The following CDH20 variants were observed in gnomAD, a reference collection of about 807,000 sequenced individuals.
The protein encoded by CDH20 is cadherin-20.
Under a neutral mutation model 74.2 loss-of-function variants are expected in CDH20, and 29 were observed. The ratio of observed to expected loss-of-function variants is 0.39; its 90% CI spans 0.29 to 0.53. CDH20 has a LOEUF of 0.53. Ranked by LOEUF, CDH20 falls within the 20% of genes least tolerant of loss-of-function variation. CDH20 has a pLI of 0.69. For missense variants in CDH20, 988 were observed against 1,048.3 expected (o/e 0.94, Z 0.79); for synonymous variants, 469 against 405.4 (o/e 1.16, Z -1.88).
chr18:61,360,196 A>C (rs569593764), intron 1 of CDH20, among the ~76,000 whole-genome samples: 3 of 152,208 alleles, frequency 2.0e-5, no homozygotes, highest in Non-Finnish European at 2.9e-5. Context: ...CAAGCTCTTC[A>C]GACAATTTTG....
chr18:61,545,152 G>C lies in CDH20; in HGVS notation c.1648+8G>C. The C allele has an allele frequency of 6.4e-7, 1 of 1,564,378 alleles. No homozygotes were observed. The highest frequency in any genetic ancestry group is 8.8e-7 in the Non-Finnish European group (1 of 1,134,624). The stretch of plus-strand genomic sequence containing the variant: ...CCATAAGGGACAACCAAGGTAATCA[G>C]GTGGATGGTTGGCTATCTGTGCTTT... On this transcript the variant is annotated splice_region_variant and intron_variant, in intron 10 of 11. Coordinates refer to ENST00000262717, the MANE Select transcript of CDH20 (RefSeq NM_031891.4).
At chr18:61,491,034 T>A (rs1193525403) in intron 2 of CDH20, among the ~76,000 whole-genome samples, 1 of 152,128 alleles carries the variant, frequency 6.6e-6, no homozygotes, top group Admixed American at 6.5e-5. Context: ...GGAATTGGGA[T>A]TTGGAGGAAA....
At chr18:61,471,481 T>A (rs1229721002) in intron 1 of CDH20, among the ~76,000 whole-genome samples, 3 of 152,240 alleles carry the variant, frequency 2.0e-5, no homozygotes, top group Non-Finnish European at 4.4e-5. Context: ...TGTTATCAAT[T>A]GCTTCTCTTT....
At chr18:61,500,243 G>GT in intron 3 of CDH20, 140 bp from the exon 4 acceptor site, 1 of 720,428 alleles carries the variant, frequency 1.4e-6, no homozygotes, top group Non-Finnish European at 2.2e-6. Context: ...CAAGATAAGA[G>GT]TTATGGAAGC....
At chr18:61,466,484 C>T (rs1350000001) in intron 1 of CDH20, among the ~76,000 whole-genome samples, 1 of 152,136 alleles carries the variant, frequency 6.6e-6, no homozygotes, top group African/African-American at 2.4e-5. Flanking sequence ...ATGTCACCAC[C>T]ATTTCTTCAA....
intron 1 of CDH20, among the ~76,000 whole-genome samples, chr18:61,352,400 A>G (rs1217663735): frequency 1.3e-5 from 2 of 152,232 alleles, no homozygotes; most frequent in Admixed American, 6.5e-5. Context: ...ATATGCATCA[A>G]TGGAGCTTTG....
At chr18:61,467,951 A>G (rs556041939) in intron 1 of CDH20, among the ~76,000 whole-genome samples, 1 of 152,320 alleles carries the variant, frequency 6.6e-6, no homozygotes, top group African/African-American at 2.4e-5. Context: ...TATGTAGTAG[A>G]CATAGGAACT....
intron 1 of CDH20, among the ~76,000 whole-genome samples, chr18:61,437,833 C>A (rs1474011137): frequency 6.6e-6 from 1 of 151,320 alleles, no homozygotes; most frequent in Non-Finnish European, 1.5e-5. Context: ...GATTTTATTT[C>A]TTCTACTCTT....
At chr18:61,474,459 G>A (rs9962066) in intron 1 of CDH20, among the ~76,000 whole-genome samples, 6,246 of 152,120 alleles carry the variant, frequency 0.041, 237 homozygotes, top group East Asian at 0.12. Flanking sequence ...GTTTCAAGCC[G>A]TCCTCATTCT....
chr18:61,495,673 C>A (rs1419580974), intron 2 of CDH20, among the ~76,000 whole-genome samples: 1 of 152,150 alleles, frequency 6.6e-6, no homozygotes, highest in Non-Finnish European at 1.5e-5. Context: ...TCAAGGGGCT[C>A]CGCTCCAAAC....
At chr18:61,512,761 C>T (rs978862129) in intron 6 of CDH20, among the ~76,000 whole-genome samples, 11 of 151,950 alleles carry the variant, frequency 7.2e-5, no homozygotes, top group African/African-American at 2.7e-4. Flanking sequence ...TCGTTATGTA[C>T]CCAGTAGTCA....
chr18:61,352,360 G>A (rs1055179378), intron 1 of CDH20, among the ~76,000 whole-genome samples: 3 of 152,202 alleles, frequency 2.0e-5, no homozygotes, highest in Admixed American at 2.0e-4. Context: ...CAGAACTTCA[G>A]ATCACATATG....
intron 1 of CDH20, among the ~76,000 whole-genome samples, chr18:61,482,756 C>T (rs1910632289): frequency 6.6e-6 from 1 of 151,998 alleles, no homozygotes; most frequent in African/African-American, 2.4e-5. Context: ...CCCAGCCTTC[C>T]AAAGTGCTAA....
intron 5 of CDH20, 89 bp downstream of exon 5, chr18:61,503,209 C>A: frequency 1.0e-6 from 1 of 958,362 alleles, no homozygotes; most frequent in South Asian, 2.3e-5. Flanking sequence ...GTTTGAGTTT[C>A]CTCATTAAAT....
chr18:61,429,395 T>C (rs369754372), intron 1 of CDH20, among the ~76,000 whole-genome samples: 1 of 152,162 alleles, frequency 6.6e-6, no homozygotes, highest in Non-Finnish European at 1.5e-5. Flanking sequence ...TGACTAAAAG[T>C]TGGCTTTAGA....
Position 61,555,108 on chromosome 18 carries a change from ATCTT to A in CDH20, c.*414_*417del, listed in dbSNP as rs1913586195. 3 of 1,012,164 alleles carry A rather than the reference ATCTT, an allele frequency of 3.0e-6. No homozygotes were observed. The highest frequency in any genetic ancestry group is 3.5e-6 in the Non-Finnish European group (3 of 847,274). 62.7% of individuals were successfully genotyped at this position (1,012,164 alleles called of 1,614,324 possible). ...TACTCTCGTATCTGTTTTTTATCTT[ATCTT>A]ATTCTCCATTTAAGAGTTTTGCTGG... On this transcript the variant is annotated 3_prime_UTR_variant, in exon 12 of 12. Transcript: ENST00000262717.
intron 1 of CDH20, among the ~76,000 whole-genome samples, chr18:61,483,372 G>A (rs1910655565): frequency 6.6e-6 from 1 of 152,176 alleles, no homozygotes; most frequent in Non-Finnish European, 1.5e-5. Context: ...AGGCTCCGGT[G>A]AAAGGTGATA....
At chr18:61,417,368 C>T (rs1912720243) in intron 1 of CDH20, among the ~76,000 whole-genome samples, 1 of 151,490 alleles carries the variant, frequency 6.6e-6, no homozygotes, top group Non-Finnish European at 1.5e-5. Flanking sequence ...TCACAATAGC[C>T]AAGATAAGGA....
At chr18:61,406,273 T>C (rs1331320905) in intron 1 of CDH20, among the ~76,000 whole-genome samples, 1 of 152,216 alleles carries the variant, frequency 6.6e-6, no homozygotes, top group Non-Finnish European at 1.5e-5. Context: ...TAAAAACTTG[T>C]TTGTTGAGAC....
Sources: allele counts gnomAD v4.1 joint callset (sites outside exome capture counted in the v4.1 genomes callset), GRCh38; gene constraint gnomAD v4.1.1; transcripts MANE v1.5; gene names NCBI Gene and HGNC (gene_info 2026-07-23, HGNC 2026-07-21).